Variants in PTPN22 observed in about 807,000 individuals in gnomAD.
The protein encoded by PTPN22 is tyrosine-protein phosphatase non-receptor type 22.
A neutral mutation model predicts 103.3 loss-of-function variants in PTPN22; 85 were observed. The observed-to-expected ratio is 0.82, with a 90% CI of 0.69 to 0.99. PTPN22 has a LOEUF of 0.99. Ranked by LOEUF, PTPN22 falls within the 50% of genes least tolerant of loss-of-function variation. The pLI is 0.00. For synonymous variants in PTPN22, 323 were observed against 310.2 expected (o/e 1.04, Z -0.43); for missense variants, 865 against 936.9 (o/e 0.92, Z 1.00).
chr1:113,839,931 G>T (rs1405409514), intron 11 of PTPN22, among the ~76,000 whole-genome samples: 3 of 151,944 alleles, frequency 2.0e-5, no homozygotes, highest in Non-Finnish European at 4.4e-5. Flanking sequence ...GGAAAAAAAG[G>T]CTGCGCACAG....
At chr1:113,864,986 C>T (rs1666000426) in intron 1 of PTPN22, among the ~76,000 whole-genome samples, 1 of 151,746 alleles carries the variant, frequency 6.6e-6, no homozygotes, top group Non-Finnish European at 1.5e-5. Context: ...GCGGAGGTAA[C>T]AACATGTGTG....
At chr1:113,822,822 T>C (rs1245512158) in intron 19 of PTPN22, among the ~76,000 whole-genome samples, 1 of 152,098 alleles carries the variant, frequency 6.6e-6, no homozygotes, top group South Asian at 2.1e-4. Context: ...TAGCTGGGCA[T>C]AGTGGTGTGC....
chr1:113,837,751 G>T, exon 13 of PTPN22: 2 of 1,613,738 alleles, frequency 1.2e-6, no homozygotes, highest in Non-Finnish European at 1.7e-6. Context: ...TAAATCAAGA[G>T]ACATCTTAGA....
chr1:113,848,623 G>T, exon 11 of PTPN22: 1 of 1,611,680 alleles, frequency 6.2e-7, no homozygotes. Context: ...AGTTCATATT[G>T]TTCCTGAAGA....
intron 20 of PTPN22, among the ~76,000 whole-genome samples, chr1:113,818,310 A>G (rs1221011443): frequency 2.0e-5 from 3 of 151,894 alleles, no homozygotes; most frequent in Non-Finnish European, 4.4e-5. Context: ...GATTAGAGGC[A>G]TGTACCACCA....
intron 1 of PTPN22, among the ~76,000 whole-genome samples, chr1:113,866,070 C>T (rs1277861630): frequency 6.6e-6 from 1 of 152,162 alleles, no homozygotes; most frequent in Non-Finnish European, 1.5e-5. Context: ...GTTAATTGAC[C>T]TCTCTGTTTG....
intron 10 of PTPN22, 44 bp downstream of exon 10, chr1:113,851,983 C>A (rs946454341): frequency 1.4e-6 from 2 of 1,462,138 alleles, no homozygotes; most frequent in East Asian, 4.6e-5. Context: ...ACAGATGGAG[C>A]AAGACTCAGA....
rs1213803767 is a variant in PTPN22, at chr1:113,825,329, A to G, written c.2251-157T>C. ...TTTTCCATCTTGCCATTTTTAATTC[A>G]GTGCAAAACCTCTACTTGATTTTAT... On this transcript the variant is annotated intron_variant, in intron 18 of 20. Transcript: ENST00000359785. Among the ~76,000 whole-genome samples, 11 of 152,224 alleles carry G rather than the reference A, an allele frequency of 7.2e-5. No homozygotes were observed. The East Asian group carries it at 1.3e-3, about 19-fold the overall frequency.
intron 19 of PTPN22, among the ~76,000 whole-genome samples, chr1:113,819,998 C>T (rs1661458752): frequency 6.6e-6 from 1 of 151,068 alleles, no homozygotes; most frequent in Non-Finnish European, 1.5e-5. Flanking sequence ...CTTCATATTA[C>T]TTTTTCCTCT....
rs1218114116 is a variant in PTPN22 at position 113,859,159 on chromosome 1, T to A, written c.197-81A>T. On this transcript the variant is annotated intron_variant, in intron 2 of 20. Coordinates refer to ENST00000359785, the Ensembl canonical transcript of PTPN22. ...AATCAGGGCCTAACACTGTGAATAG[T>A]GTATGCTCATGAGTGAACAAGTGAG... 4 of 1,579,610 alleles carry A rather than the reference T, an allele frequency of 2.5e-6. No homozygotes were observed. The East Asian group carries it at 6.7e-5, about 27-fold the overall frequency.
chr1:113,832,891 A>C (rs1662670636), intron 16 of PTPN22: 2 of 425,134 alleles, frequency 4.7e-6, no homozygotes, highest in Non-Finnish European at 8.4e-6. Context: ...TTTATATATT[A>C]TTTCAGAGAG....
intron 5 of PTPN22, among the ~76,000 whole-genome samples, chr1:113,857,284 C>T (rs778236039): frequency 1.3e-5 from 2 of 152,116 alleles, no homozygotes; most frequent in Non-Finnish European, 2.9e-5. Flanking sequence ...AAAATTTTCA[C>T]ATACTCAAAC....
At chr1:113,866,616 A>C (rs1256096872) in intron 1 of PTPN22, among the ~76,000 whole-genome samples, 1 of 152,216 alleles carries the variant, frequency 6.6e-6, no homozygotes, top group Non-Finnish European at 1.5e-5. Flanking sequence ...CATTTTAATC[A>C]GCCTGATAAT....
At chr1:113,845,934 A>T (rs897973900) in intron 11 of PTPN22, among the ~76,000 whole-genome samples, 4 of 152,206 alleles carry the variant, frequency 2.6e-5, no homozygotes, top group African/African-American at 9.7e-5. Context: ...ATATTAACAT[A>T]GCCACTCCTG....
At chr1:113,864,229 A>G (rs1665907260) in intron 1 of PTPN22, 1 of 453,782 alleles carries the variant, frequency 2.2e-6, no homozygotes, top group Admixed American at 2.4e-5. Context: ...AAAGAGGTCC[A>G]GAAAGCTTTC....
At chr1:113,857,494 T>C (rs1255422041) in intron 5 of PTPN22, 2 of 392,582 alleles carry the variant, frequency 5.1e-6, no homozygotes, top group Non-Finnish European at 9.3e-6. Context: ...AAGTGATTTG[T>C]TAATCTTAAA....
intron 1 of PTPN22, among the ~76,000 whole-genome samples, chr1:113,867,424 C>T (rs977819019): frequency 1.3e-5 from 2 of 152,158 alleles, no homozygotes; most frequent in African/African-American, 4.8e-5. Flanking sequence ...TCAGTTTCCT[C>T]ATTTGTAAGT....
rs778926044 is a variant in PTPN22 at position 113,856,658 on chromosome 1, T to A, written c.409-39A>T. 4.7e-5 allele frequency: 76 copies of A among 1,613,726 alleles called. 1 individual carries two copies. In the South Asian group the frequency reaches 8.1e-4, roughly 17 times the overall value. On this transcript the variant is annotated intron_variant, in intron 5 of 20. Coordinates refer to ENST00000359785, the Ensembl canonical transcript of PTPN22. ...CAGAATACAGTGATTTCCCTCCATATATTCTAGTCTTTTCCACTCTCTCAT... is the reference window on the plus strand; with the variant it reads ...CAGAATACAGTGATTTCCCTCCATAAATTCTAGTCTTTTCCACTCTCTCAT...
At chr1:113,841,156 G>A (rs1663510436) in intron 11 of PTPN22, among the ~76,000 whole-genome samples, 2 of 152,110 alleles carry the variant, frequency 1.3e-5, no homozygotes, top group African/African-American at 4.8e-5. Context: ...CCAGGGAGGT[G>A]GAGGTTCCAG....
Sources: gnomAD v4.1 joint callset for allele counts (sites outside exome capture counted in the v4.1 genomes callset) on GRCh38, gnomAD v4.1.1 for gene constraint, MANE v1.5 for transcripts, NCBI Gene and HGNC (gene_info 2026-07-23, HGNC 2026-07-21) for gene names.